CDK18: variants seen among roughly 807,000 people sequenced by gnomAD.
CDK18 encodes cyclin dependent kinase 18.
Under a neutral mutation model 62.0 loss-of-function variants are expected in CDK18, and 52 were observed. That is an observed-to-expected ratio of 0.84 (90% CI 0.67 to 1.06). The LOEUF (loss-of-function observed/expected upper bound fraction) is 1.06, where lower values mean the gene tolerates loss of function less well. CDK18 is among the 50% of genes least tolerant of loss of function. CDK18 has a pLI of 0.00. For missense variants in CDK18, 604 were observed against 619.9 expected (o/e 0.97, Z 0.27); for synonymous variants, 237 against 247.0 (o/e 0.96, Z 0.38).
intron 1 of CDK18, among the ~76,000 whole-genome samples, chr1:205,513,875 G>T (rs1275081447): frequency 6.6e-6 from 1 of 152,250 alleles, no homozygotes; most frequent in Non-Finnish European, 1.5e-5. Context: ...CTCACTGGGG[G>T]AGTAATTGCT....
chr1:205,523,285 C>T lies in CDK18; in HGVS notation c.118C>T (p.Arg40Trp), dbSNP rs200256810. 3.8e-4 allele frequency: 611 copies of T among 1,614,018 alleles called. 2 individuals carry two copies. Among genetic ancestry groups the T allele is most frequent in the South Asian group, 4.6e-4 (42 of 91,088 alleles). Reference sequence around the variant, plus strand: ...GGAGCAATTCAACCAGCTCCACAACCGGCGGAATGAGAGTGAGGGGTCTGG... The same window carrying T: ...GGAGCAATTCAACCAGCTCCACAACTGGCGGAATGAGAGTGAGGGGTCTGG... Reference protein sequence around the residue: ...FTEQFNQLHNRRNENLQLGPL... With the variant: ...FTEQFNQLHNWRNENLQLGPL... The change falls in exon 2 of 16, where the codon CGG becomes TGG. Residue 40 changes from arginine (R) to tryptophan (W), a missense_variant. Transcript: ENST00000429964.
intron 5 of CDK18, 39 bp from the exon 6 acceptor site, chr1:205,526,026 C>T (rs759682920): frequency 3.3e-6 from 5 of 1,493,314 alleles, no homozygotes; most frequent in South Asian, 1.2e-5. Context: ...GCCAGCAGCA[C>T]CTGAATGCGC....
rs746007817 is a variant in CDK18, at chr1:205,529,445, G to GC, written c.1178+18dup. 9.3e-6 allele frequency: 15 copies of GC among 1,611,896 alleles called. No homozygotes were observed. ...ACGCGCCCAGGTAGCCCCTGCGCCC[G>GC]CCGCCCCTCCTGCTGCGGCCCTGGC... is the stretch of plus-strand genomic sequence containing the variant. On this transcript the variant is annotated intron_variant, in intron 12 of 15. Transcript: ENST00000429964.
chr1:205,507,633 CAAAAAAA>C (rs56313401), intron 1 of CDK18, among the ~76,000 whole-genome samples: 146 of 72,182 alleles, frequency 2.0e-3, no homozygotes, highest in African/African-American at 8.2e-3. Context: ...GACTCCGTCT[CAAAAAAA>C]AAAAAAAAAA....
intron 5 of CDK18, among the ~76,000 whole-genome samples, chr1:205,525,799 C>T (rs999169980): frequency 2.0e-5 from 3 of 152,126 alleles, no homozygotes; most frequent in African/African-American, 7.2e-5. Flanking sequence ...ACATCAGCAT[C>T]GTATAAGGAA....
chr1:205,530,381 C>G, intron 14 of CDK18, 32 bp downstream of exon 14: 1 of 1,595,648 alleles, frequency 6.3e-7, no homozygotes, highest in East Asian at 2.2e-5. Flanking sequence ...GCAGGGCCAC[C>G]CAGAACCAAG....
At position 205,527,091 on chromosome 1, in the gene CDK18, T is replaced by C. The variant is rs538954377; in HGVS notation, c.729+254T>C. The C allele has an allele frequency of 5.2e-4, 260 of 497,530 alleles. No homozygotes were observed. Among genetic ancestry groups the C allele is most frequent in the Non-Finnish European group, 8.6e-4 (239 of 278,620 alleles). 30.8% of individuals were successfully genotyped at this position (497,530 alleles called of 1,614,324 possible). On this transcript the variant is annotated intron_variant, in intron 8 of 15. Transcript: ENST00000429964. This position sits in a 1 kb window ranked among gnomAD's most constrained non-coding sequence, Gnocchi z 4.1. ...CCCACTCTCAACTCTGAACATCAGT[T>C]TCCCAGTCTGTCAAATGGGAGTGTG... is the stretch of plus-strand genomic sequence containing the variant.
intron 15 of CDK18, among the ~76,000 whole-genome samples, 184 bp downstream of exon 15, chr1:205,530,889 C>G (rs562274570): frequency 6.6e-6 from 1 of 152,308 alleles, no homozygotes. Context: ...CTCCTCAACC[C>G]TCCACCCCAG....
intron 1 of CDK18, among the ~76,000 whole-genome samples, chr1:205,512,852 C>T (rs1370616530): frequency 6.6e-6 from 1 of 152,130 alleles, no homozygotes. Context: ...CCATTCCCTC[C>T]CCCTCCTGAG....
At chr1:205,506,455 G>C (rs1667310578) in intron 1 of CDK18, among the ~76,000 whole-genome samples, 1 of 152,180 alleles carries the variant, frequency 6.6e-6, no homozygotes, top group Admixed American at 6.5e-5. Context: ...GCCAGAAGAA[G>C]TTCTTCCCAA....
At chr1:205,519,132 G>A (rs1366385641) in intron 1 of CDK18, among the ~76,000 whole-genome samples, 1 of 152,198 alleles carries the variant, frequency 6.6e-6, no homozygotes. Flanking sequence ...GCCTCAGGCT[G>A]GTCATACTGA....
intron 1 of CDK18, among the ~76,000 whole-genome samples, chr1:205,507,633 CAAAAAAAAAAAAAAAAA>C (rs56313401): frequency 2.8e-5 from 2 of 72,198 alleles, no homozygotes; most frequent in South Asian, 9.6e-4. Context: ...GACTCCGTCT[CAAAAAAAAAAAAAAAAA>C]AAAAAAAAAA....
At chr1:205,520,197 C>T (rs1044240184) in intron 1 of CDK18, among the ~76,000 whole-genome samples, 4 of 152,164 alleles carry the variant, frequency 2.6e-5, no homozygotes, top group Non-Finnish European at 5.9e-5. Context: ...AGGAGGGTGG[C>T]CTGGAAGCCT....
At position 205,530,774 on chromosome 1, in the gene CDK18, G is replaced by C. The variant is rs906912767; in HGVS notation, c.1390+69G>C. On this transcript the variant is annotated intron_variant, in intron 15 of 15. Coordinates refer to ENST00000429964, the MANE Select transcript of CDK18 (RefSeq NM_212502.3). ...AGCCAGAGCAGGCGACCCCTCCCCA[G>C]TGGGGACTCCCATGGTCCCCCCACC... 30 of 1,283,578 alleles carry C rather than the reference G, an allele frequency of 2.3e-5. 1 individual carries two copies. The Admixed American group carries it at 2.8e-4, about 12-fold the overall frequency. 79.5% of individuals were successfully genotyped at this position (1,283,578 alleles called of 1,614,324 possible). A position where few individuals can be genotyped will look rare whatever the true frequency, so the allele number is the denominator to read the frequency against.
intron 1 of CDK18, among the ~76,000 whole-genome samples, chr1:205,506,990 G>T (rs577545527): frequency 6.6e-6 from 1 of 152,314 alleles, no homozygotes; most frequent in African/African-American, 2.4e-5. Context: ...CTACAGACTC[G>T]GACTCTGTCC....
In CDK18 at chr1:205,523,218, G is replaced by A. The variant is rs759805640; in HGVS notation, c.51G>A (p.Val17=). 16 of 1,613,960 alleles carry A rather than the reference G, an allele frequency of 9.9e-6. No homozygotes were observed. Among genetic ancestry groups the A allele is most frequent in the Non-Finnish European group, 1.4e-5 (16 of 1,179,982 alleles). ...TTAAGCGCCGTTTCTCCCTGTCAGT[G>A]CCCCGCACTGAGACCATTGAAGAAT... is the stretch of plus-strand genomic sequence containing the variant. ...KNFKRRFSLS[V]PRTETIEESL... The change falls in exon 2 of 16, where the codon GTG becomes GTA. Residue 17 remains valine (V), a synonymous_variant. Transcript: ENST00000429964.
rs1175736229 is a variant in CDK18, at chr1:205,516,319, C to T, written c.-21-6828C>T. Among the ~76,000 whole-genome samples the T allele has an allele frequency of 2.0e-5, 3 of 152,052 alleles. No individual in the cohort carries two copies. The highest frequency in any genetic ancestry group is 4.4e-5 in the Non-Finnish European group (3 of 67,996). ...CCAAGGGCCAAAGTGGCTGAGTGAC[C>T]GAGGCAGGGGCAGGGACTGGGAGAT... On this transcript the variant is annotated intron_variant, in intron 1 of 15. Coordinates refer to ENST00000429964, the MANE Select transcript of CDK18 (RefSeq NM_212502.3). This position sits in a 1 kb window ranked among gnomAD's most constrained non-coding sequence, Gnocchi z 4.8.
chr1:205,509,426 C>G (rs918539274), intron 1 of CDK18, among the ~76,000 whole-genome samples: 2 of 152,144 alleles, frequency 1.3e-5, no homozygotes, highest in African/African-American at 2.4e-5. Context: ...TGTATGTCTC[C>G]TGTCCACCAT....
rs200913593 is a variant in CDK18, at chr1:205,523,152, G to A, written c.-16G>A. The stretch of plus-strand genomic sequence containing the variant: ...TCTCACACTTCCCATCTCAGGACCC[G>A]GCTGCCCAGTCCCTCATGATCATGA... On this transcript the variant is annotated 5_prime_UTR_variant, in exon 2 of 16. Transcript: ENST00000429964. The A allele has an allele frequency of 2.5e-5, 40 of 1,595,180 alleles. No homozygotes were observed. Among genetic ancestry groups the A allele is most frequent in the Middle Eastern group, 1.7e-4 (1 of 5,982 alleles).
Sources: allele counts gnomAD v4.1 joint callset (sites outside exome capture counted in the v4.1 genomes callset), GRCh38; gene constraint gnomAD v4.1.1; non-coding constraint Gnocchi (gnomAD v3.1); transcripts MANE v1.5; gene names NCBI Gene and HGNC (gene_info 2026-07-23, HGNC 2026-07-21).